ERP27: variants seen among roughly 807,000 people sequenced by gnomAD.
The protein encoded by ERP27 is endoplasmic reticulum protein 27.
In ERP27, 23 loss-of-function variants were observed where a neutral mutation model predicts 27.7. The ratio of observed to expected loss-of-function variants is 0.83; its 90% CI spans 0.60 to 1.18. ERP27 has a LOEUF of 1.18. Ranked by LOEUF, ERP27 falls within the 50% of genes most tolerant of loss-of-function variation. The probability of loss-of-function intolerance (pLI) is 0.00; values close to 1 mark genes in which losing one functional copy is unlikely to be tolerated. For missense variants in ERP27, 363 were observed against 327.9 expected (o/e 1.11, Z -0.83); for synonymous variants, 159 against 118.3 (o/e 1.34, Z -2.23).
chr12:14,937,508 A>G (rs1037120187), intron 2 of ERP27, among the ~76,000 whole-genome samples: 2 of 152,184 alleles, frequency 1.3e-5, no homozygotes, highest in Admixed American at 6.5e-5. Context: ...AAGGCTTTAA[A>G]AGGCTGTGCA....
Position 14,920,786 on chromosome 12 carries a change from G to A in ERP27, c.450+146C>T, listed in dbSNP as rs189394124. The A allele has an allele frequency of 1.4e-4, 84 of 593,818 alleles. No individual in the cohort carries two copies. In the East Asian group the frequency reaches 2.3e-3, roughly 17 times the overall value. The allele number at this position is 593,818 out of a possible 1,614,324, so 36.8% of individuals were successfully genotyped here. On this transcript the variant is annotated intron_variant, in intron 4 of 6. Coordinates refer to ENST00000266397, the MANE Select transcript of ERP27 (RefSeq NM_152321.4). ...ACAGGAACAAGTTAAATCTTAAAAA[G>A]GTGTAGGAAGGATAGTAACATAAAC...
At chr12:14,918,113 T>G (rs190661721) in intron 4 of ERP27, among the ~76,000 whole-genome samples, 2 of 152,200 alleles carry the variant, frequency 1.3e-5, no homozygotes, top group Admixed American at 6.5e-5. Context: ...TAACAAAGAA[T>G]AAGTAATTTA....
chr12:14,935,414 A>G (rs1283861225), intron 2 of ERP27, among the ~76,000 whole-genome samples: 2 of 152,238 alleles, frequency 1.3e-5, no homozygotes, highest in Non-Finnish European at 2.9e-5. Flanking sequence ...TTTAAAGGGC[A>G]TTTATTTACT....
rs763562503 is a variant in ERP27 at position 14,917,340 on chromosome 12, G to A, written c.451-37C>T. On this transcript the variant is annotated intron_variant, in intron 4 of 6. Transcript: ENST00000266397. ...AAATGTGTTACAGTAGAGTGAAAGC[G>A]AGAAAGAATGCATTAGTACCTGGGA... 31 of 1,613,576 alleles carry A rather than the reference G, an allele frequency of 1.9e-5. 1 individual carries two copies. The highest frequency in any genetic ancestry group is 8.8e-5 in the South Asian group (8 of 91,046).
chr12:14,926,379 G>A (rs1863602869), intron 3 of ERP27, among the ~76,000 whole-genome samples: 1 of 152,130 alleles, frequency 6.6e-6, no homozygotes, highest in African/African-American at 2.4e-5. Context: ...AAGGCACATA[G>A]TTGCAATTTT....
intron 3 of ERP27, among the ~76,000 whole-genome samples, chr12:14,926,756 T>A (rs1863609015): frequency 1.3e-5 from 2 of 152,222 alleles, no homozygotes; most frequent in South Asian, 4.1e-4. Context: ...CTGGCTCTAA[T>A]TCAAGACTTA....
chr12:14,936,434 C>T (rs1863774425), intron 2 of ERP27, among the ~76,000 whole-genome samples: 1 of 152,148 alleles, frequency 6.6e-6, no homozygotes, highest in Non-Finnish European at 1.5e-5. Context: ...TCCCTGCTCT[C>T]ACGGGACCTT....
intron 3 of ERP27, among the ~76,000 whole-genome samples, chr12:14,921,716 C>T (rs1039425588): frequency 6.6e-6 from 1 of 152,074 alleles, no homozygotes; most frequent in Non-Finnish European, 1.5e-5. Context: ...GTAGAACCAC[C>T]ACCCAAGTCA....
At chr12:14,935,241 A>G in intron 2 of ERP27, 1 of 780,548 alleles carries the variant, frequency 1.3e-6, no homozygotes, top group Non-Finnish European at 1.6e-6. Flanking sequence ...AGGCCTTGTC[A>G]TAGAGCTTGA....
chr12:14,914,812 A>G (rs775292095), intron 6 of ERP27, 30 bp from the exon 7 acceptor site: 19 of 1,554,580 alleles, frequency 1.2e-5, no homozygotes, highest in Admixed American at 5.1e-5. Context: ...TGATATTTAG[A>G]TTAGTAAACT....
In ERP27 at chr12:14,931,867, AATT is replaced by A. The variant is rs200530377; in HGVS notation, c.333+2986_333+2988del. Among the ~76,000 whole-genome samples the A allele has an allele frequency of 5.7e-3, 871 of 152,212 alleles. 5 individuals carry two copies. The highest frequency in any genetic ancestry group is 0.02 in the African/African-American group (829 of 41,526). Reference sequence around the variant, plus strand: ...GTAGGTGTGGAGTGTAGCTTATTAGAATTTTTGTATTGAAGGATTTCTACCAGT... The same window carrying A: ...GTAGGTGTGGAGTGTAGCTTATTAGATTTGTATTGAAGGATTTCTACCAGT... On this transcript the variant is annotated intron_variant, in intron 3 of 6. Transcript: ENST00000266397.
chr12:14,930,738 A>G (rs1182897676), intron 3 of ERP27, among the ~76,000 whole-genome samples: 2 of 152,218 alleles, frequency 1.3e-5, no homozygotes, highest in Admixed American at 1.3e-4. Context: ...CTGGCCTTTT[A>G]TTGCTCCAAC....
chr12:14,914,577 T>TGCGCGC lies in ERP27; in HGVS notation c.*157_*158insGCGCGC, dbSNP rs148149515. 52 of 542,224 alleles carry TGCGCGC rather than the reference T, an allele frequency of 9.6e-5. No homozygotes were observed. Among genetic ancestry groups the TGCGCGC allele is most frequent in the East Asian group, 9.1e-4 (29 of 31,960 alleles). 33.6% of individuals were successfully genotyped at this position (542,224 alleles called of 1,614,324 possible). A position where few individuals can be genotyped will look rare whatever the true frequency, so the allele number is the denominator to read the frequency against. ...GAAGCTCTGTGTGTGTGTGTGTGTG[T>TGCGCGC]GCGTGTGTGTGTGCACGCGTGCGTG... On this transcript the variant is annotated 3_prime_UTR_variant, in exon 7 of 7. Coordinates refer to ENST00000266397, the MANE Select transcript of ERP27 (RefSeq NM_152321.4).
At chr12:14,925,841 G>T (rs548453341) in intron 3 of ERP27, among the ~76,000 whole-genome samples, 4 of 152,132 alleles carry the variant, frequency 2.6e-5, no homozygotes, top group Non-Finnish European at 4.4e-5. Flanking sequence ...AGGCTGAGGT[G>T]GGTAGACCAC....
chr12:14,915,826 A>G, intron 5 of ERP27, 140 bp from the exon 6 acceptor site: 1 of 766,436 alleles, frequency 1.3e-6, no homozygotes, highest in Non-Finnish European at 2.0e-6. Flanking sequence ...GTTAAAATAA[A>G]TTATTGCAGC....
At chr12:14,918,303 A>C (rs1863445532) in intron 4 of ERP27, among the ~76,000 whole-genome samples, 1 of 152,148 alleles carries the variant, frequency 6.6e-6, no homozygotes, top group Admixed American at 6.5e-5. Context: ...CATATAAACA[A>C]ACTCGATCTC....
At chr12:14,918,868 T>C (rs1044489323) in intron 4 of ERP27, among the ~76,000 whole-genome samples, 1 of 152,226 alleles carries the variant, frequency 6.6e-6, no homozygotes, top group Non-Finnish European at 1.5e-5. Context: ...ACTCTTGTTT[T>C]ACTAAATCCT....
chr12:14,920,855 A>C, intron 4 of ERP27, 77 bp downstream of exon 4: 10 of 1,061,722 alleles, frequency 9.4e-6, no homozygotes, highest in Non-Finnish European at 1.3e-5. Flanking sequence ...TCTGGGAGGA[A>C]GAGACCTCTG....
At chr12:14,922,613 T>A (rs894070566) in intron 3 of ERP27, among the ~76,000 whole-genome samples, 3 of 152,212 alleles carry the variant, frequency 2.0e-5, no homozygotes, top group Non-Finnish European at 4.4e-5. Context: ...TTAAACATAG[T>A]TAAAGTTATC....
Sources: allele counts gnomAD v4.1 joint callset (sites outside exome capture counted in the v4.1 genomes callset), GRCh38; gene constraint gnomAD v4.1.1; transcripts MANE v1.5; gene names NCBI Gene and HGNC (gene_info 2026-07-23, HGNC 2026-07-21).